The following MAP3K19 variants were observed in gnomAD, a reference collection of about 807,000 sequenced individuals.
The protein encoded by MAP3K19 is SPS1/STE20-related protein kinase YSK4.
Under a neutral mutation model 114.4 loss-of-function variants are expected in MAP3K19, and 91 were observed. The ratio of observed to expected loss-of-function variants is 0.80; its 90% CI spans 0.67 to 0.95. MAP3K19 has a LOEUF of 0.95. Ranked by LOEUF, MAP3K19 falls within the 40% of genes least tolerant of loss-of-function variation. The pLI is 0.00. For missense variants in MAP3K19, 1,471 were observed against 1,573.2 expected (o/e 0.94, Z 1.10); for synonymous variants, 518 against 530.5 (o/e 0.98, Z 0.32).
At chr2:135,046,222 T>C (rs925964343) in intron 1 of MAP3K19, among the ~76,000 whole-genome samples, 1 of 152,216 alleles carries the variant, frequency 6.6e-6, no homozygotes, top group Non-Finnish European at 1.5e-5. Context: ...ATGTCCATTT[T>C]AGGTTTTTTT....
rs749350738 is a variant in MAP3K19, at chr2:134,981,396, G to A, written c.3345C>T (p.Leu1115=). 2 of 1,614,052 alleles carry A rather than the reference G, an allele frequency of 1.2e-6. No homozygotes were observed. The highest frequency in any genetic ancestry group is 2.2e-5 in the East Asian group (1 of 44,890). Residue 1115 remains leucine, a synonymous_variant, in exon 12 of 13, where the codon CTC becomes CTT. Transcript: ENST00000392915. ...YRKLQEEVDL[L]KALKHVNIVA... is the part of the protein sequence containing the mutation. ...CAATGTTGACATGTTTCAGTGCTTT[G>A]AGCAAATCTACTTCTTCCTGTAGTT...
intron 6 of MAP3K19, among the ~76,000 whole-genome samples, chr2:135,002,533 C>T (rs539293420): frequency 1.3e-5 from 2 of 151,448 alleles, no homozygotes; most frequent in East Asian, 1.9e-4. Flanking sequence ...GTCTGGATTG[C>T]GAGCATGGAG....
intron 8 of MAP3K19, among the ~76,000 whole-genome samples, chr2:134,996,155 G>A (rs1559162988): frequency 6.6e-6 from 1 of 151,860 alleles, no homozygotes. Flanking sequence ...GGTGGAGTCT[G>A]CCTATGTTGC....
chr2:134,991,462 G>T, intron 9 of MAP3K19, 75 bp downstream of exon 9: 1 of 1,280,274 alleles, frequency 7.8e-7, no homozygotes, highest in Non-Finnish European at 1.1e-6. Context: ...TAATTGCTGA[G>T]GATTTGGTTC....
intron 12 of MAP3K19, among the ~76,000 whole-genome samples, chr2:134,965,331 G>A (rs1361852106): frequency 6.6e-6 from 1 of 152,148 alleles, no homozygotes; most frequent in African/African-American, 2.4e-5. Context: ...TTAAAATCCA[G>A]AATTGAAAAC....
chr2:135,017,479 G>C (rs11888521), intron 5 of MAP3K19, among the ~76,000 whole-genome samples: 37,900 of 152,016 alleles, frequency 0.25, 6,116 homozygotes, highest in African/African-American at 0.43. Context: ...ACTAAGTCCA[G>C]AATTCCTCCA....
chr2:135,020,884 G>A (rs1463343258), intron 5 of MAP3K19, among the ~76,000 whole-genome samples: 1 of 152,150 alleles, frequency 6.6e-6, no homozygotes, highest in Non-Finnish European at 1.5e-5. Flanking sequence ...GGAACTCTGA[G>A]TCAATTAAAC....
rs1252565790 is a variant in MAP3K19, at chr2:134,980,409, T to A, written c.3920+412A>T. Among the ~76,000 whole-genome samples the A allele has an allele frequency of 3.5e-5, 5 of 143,620 alleles. No individual in the cohort carries two copies. The East Asian group carries it at 1.2e-3, about 34-fold the overall frequency. The allele number at this position is 143,620 out of a possible 152,430, so 94.2% of individuals were successfully genotyped here. ...TCCGATTCACCAAATACTCCCCCACTTGACGCTTGAAATCTCCAATTTGTT... is the reference window on the plus strand; with the variant it reads ...TCCGATTCACCAAATACTCCCCCACATGACGCTTGAAATCTCCAATTTGTT... On this transcript the variant is annotated intron_variant, in intron 12 of 12. Coordinates refer to ENST00000392915, the MANE Select transcript of MAP3K19 (RefSeq NM_025052.5).
chr2:134,987,278 T>A lies in MAP3K19; in HGVS notation c.1594A>T (p.Asn532Tyr). The change falls in exon 10 of 13, where the codon AAT becomes TAT. Residue 532 changes from asparagine to tyrosine, a missense_variant. By Grantham distance (143) the Asn-to-Tyr change is moderately radical (BLOSUM62 -2). Transcript: ENST00000392915. ...GAATCCAACTTACTCCTATGGGAAT[T>A]CATCTTATGCTTGTCATTTTCTTGG... ...VHQENDKHKM[N>Y]SHRSKLDSKT... 1 of 1,614,188 alleles carries A rather than the reference T, an allele frequency of 6.2e-7. No homozygotes were observed. Among genetic ancestry groups the A allele is most frequent in the Non-Finnish European group, 8.5e-7 (1 of 1,180,044 alleles).
intron 5 of MAP3K19, among the ~76,000 whole-genome samples, chr2:135,007,350 T>C (rs780966918): frequency 6.6e-6 from 1 of 152,234 alleles, no homozygotes; most frequent in African/African-American, 2.4e-5. Context: ...TATTTTGATA[T>C]AGGCATGCAA....
chr2:134,973,076 C>T (rs1683986096), intron 12 of MAP3K19, among the ~76,000 whole-genome samples: 1 of 152,076 alleles, frequency 6.6e-6, no homozygotes, highest in African/African-American at 2.4e-5. Context: ...GAAAATGTTC[C>T]ATGTTTTAAT....
Position 134,964,782 on chromosome 2 carries a change from C to T in MAP3K19, c.*68G>A. On this transcript the variant is annotated 3_prime_UTR_variant, in exon 13 of 13. Coordinates refer to ENST00000392915, the MANE Select transcript of MAP3K19 (RefSeq NM_025052.5). ...CAGTGGGGAAACAAAGATCCCTTAG[C>T]CATCATTCCCCACAATTAAGCAAGG... 8.0e-7 allele frequency: 1 copy of T among 1,249,910 alleles called. No individual in the cohort carries two copies. The highest frequency in any genetic ancestry group is 1.3e-5 in the South Asian group (1 of 78,930). The allele number at this position is 1,249,910 out of a possible 1,614,324, so 77.4% of individuals were successfully genotyped here. A position where few individuals can be genotyped will look rare whatever the true frequency, so the allele number is the denominator to read the frequency against.
chr2:134,985,313 C>A (rs1685015963), intron 10 of MAP3K19, among the ~76,000 whole-genome samples: 1 of 152,208 alleles, frequency 6.6e-6, no homozygotes. Flanking sequence ...AGTAGTGAAT[C>A]ATCTGAGAGC....
At chr2:135,034,077 T>C (rs1367413465) in intron 2 of MAP3K19, among the ~76,000 whole-genome samples, 1 of 74,058 alleles carries the variant, frequency 1.4e-5, no homozygotes, top group Non-Finnish European at 2.3e-5. Flanking sequence ...CGGGCAGAGA[T>C]GCTCCTCACC....
chr2:135,029,188 T>C (rs960305733), intron 3 of MAP3K19, among the ~76,000 whole-genome samples: 2 of 152,018 alleles, frequency 1.3e-5, no homozygotes, highest in Non-Finnish European at 2.9e-5. Flanking sequence ...CTGGCTAACA[T>C]GGTGAAACCC....
rs868165780 is a variant in MAP3K19, at chr2:134,981,079, C to T, written c.3662G>A (p.Ser1221Asn). ...CCCATGCATGGACTTAAGCATGTCACTGTGGGTGCCATTTAAACCTGCCCA... is the reference window on the plus strand; with the variant it reads ...CCCATGCATGGACTTAAGCATGTCATTGTGGGTGCCATTTAAACCTGCCCA... ...LAWAGLNGTHSDMLKSMHGTP... is the reference protein window; with the variant it reads ...LAWAGLNGTHNDMLKSMHGTP... Residue 1221 changes from serine to asparagine, a missense_variant, in exon 12 of 13, where the codon AGT becomes AAT. Ser to Asn is a conservative substitution (Grantham distance 46). Coordinates refer to ENST00000392915, the MANE Select transcript of MAP3K19 (RefSeq NM_025052.5). The T allele has an allele frequency of 6.2e-7, 1 of 1,614,252 alleles. No homozygotes were observed. The highest frequency in any genetic ancestry group is 8.5e-7 in the Non-Finnish European group (1 of 1,180,042).
chr2:135,033,271 G>A (rs1249618483), intron 2 of MAP3K19, among the ~76,000 whole-genome samples: 2 of 120,170 alleles, frequency 1.7e-5, no homozygotes, highest in East Asian at 5.3e-4. Flanking sequence ...TCCCAGACAG[G>A]GCGGCTGGCC....
chr2:135,026,958 G>A lies in MAP3K19; in HGVS notation c.-94-2217C>T, dbSNP rs370258490. Among the ~76,000 whole-genome samples the A allele has an allele frequency of 1.8e-4, 28 of 152,308 alleles. No homozygotes were observed. The East Asian group carries it at 5.4e-3, about 29-fold the overall frequency. On this transcript the variant is annotated intron_variant, in intron 3 of 12. Transcript: ENST00000392915. ...AAGTCACTTTTATGATGATGCATGT[G>A]CATTTGGCATATATAGTAGAAAACA... is the stretch of plus-strand genomic sequence containing the variant.
chr2:135,017,060 C>G (rs1559184557), intron 5 of MAP3K19, among the ~76,000 whole-genome samples: 1 of 152,018 alleles, frequency 6.6e-6, no homozygotes, highest in Non-Finnish European at 1.5e-5. Context: ...ATCTGCATTC[C>G]TTGTTGTTTT....
Sources: gnomAD v4.1 joint callset for allele counts (sites outside exome capture counted in the v4.1 genomes callset) on GRCh38, gnomAD v4.1.1 for gene constraint, MANE v1.5 for transcripts, NCBI Gene and HGNC (gene_info 2026-07-23, HGNC 2026-07-21) for gene names.